Variants in EBF2 observed in about 807,000 individuals in gnomAD.
EBF2 encodes EBF transcription factor 2.
Under a neutral mutation model 72.8 loss-of-function variants are expected in EBF2, and 21 were observed. That is an observed-to-expected ratio of 0.29 (90% CI 0.20 to 0.42). The LOEUF is 0.42. Ranked by LOEUF, EBF2 falls within the 10% of genes least tolerant of loss-of-function variation. EBF2 has a pLI of 1.00. For missense variants in EBF2, 637 were observed against 731.2 expected, an observed-to-expected ratio of 0.87 and a Z score of 1.49; for synonymous variants, 299 against 274.2, an observed-to-expected ratio of 1.09 and a Z score of -0.89.
Position 25,861,153 on chromosome 8 carries a change from G to T in EBF2, c.1238C>A (p.Pro413Gln), listed in dbSNP as rs1307183275. The T allele has an allele frequency of 6.2e-7, 1 of 1,614,048 alleles. No homozygotes were observed. Among genetic ancestry groups the T allele is most frequent in the Non-Finnish European group, 8.5e-7 (1 of 1,180,034 alleles). The stretch of plus-strand genomic sequence containing the variant: ...GTGCGCTGGGGAGCTAGAGAGGGCT[G>T]GAAGCTGGCTGGGATTCCTGGGGAC... ...YSVPRNPSQL[P>Q]ALSSSPAHSG... The change falls in exon 13 of 16, where the codon CCA becomes CAA. Residue 413 changes from proline to glutamine, a missense_variant. Transcript: ENST00000520164.
At chr8:26,000,176 T>C (rs1585221805) in intron 6 of EBF2, among the ~76,000 whole-genome samples, 1 of 152,088 alleles carries the variant, frequency 6.6e-6, no homozygotes, top group South Asian at 2.1e-4. Context: ...ACAGGGGAAT[T>C]GGGAGAGACC....
chr8:25,949,373 T>A (rs551659819), intron 6 of EBF2, among the ~76,000 whole-genome samples: 1 of 152,318 alleles, frequency 6.6e-6, no homozygotes, highest in South Asian at 2.1e-4. Context: ...GATCATTTTT[T>A]AAAAATTTTG....
At chr8:25,878,667 C>T (rs1256335379) in intron 10 of EBF2, among the ~76,000 whole-genome samples, 1 of 152,172 alleles carries the variant, frequency 6.6e-6, no homozygotes, top group African/African-American at 2.4e-5. Context: ...TAGAAAGTGG[C>T]CAGACTCCTG....
intron 10 of EBF2, among the ~76,000 whole-genome samples, chr8:25,865,668 C>A (rs926572747): frequency 6.6e-6 from 1 of 151,704 alleles, no homozygotes; most frequent in Non-Finnish European, 1.5e-5. Flanking sequence ...CTCAAGCAAT[C>A]GTCCGCCTTG....
intron 6 of EBF2, among the ~76,000 whole-genome samples, chr8:25,929,144 T>C (rs1803438729): frequency 6.6e-6 from 1 of 152,218 alleles, no homozygotes; most frequent in African/African-American, 2.4e-5. Flanking sequence ...AGTGATCTGC[T>C]CATGTTGATT....
intron 15 of EBF2, among the ~76,000 whole-genome samples, chr8:25,848,063 A>T (rs1801874927): frequency 6.6e-6 from 1 of 152,120 alleles, no homozygotes; most frequent in Admixed American, 6.6e-5. Flanking sequence ...TATCTTTTAG[A>T]GATGAGGTCT....
intron 10 of EBF2, 49 bp downstream of exon 10, chr8:25,886,706 C>T (rs1021327200): frequency 6.4e-7 from 1 of 1,566,652 alleles, no homozygotes; most frequent in East Asian, 2.3e-5. Flanking sequence ...GGAACTAGCG[C>T]AAAGGCAAAC....
At chr8:26,035,204 A>G (rs1393869626) in intron 5 of EBF2, among the ~76,000 whole-genome samples, 1 of 151,076 alleles carries the variant, frequency 6.6e-6, no homozygotes, top group African/African-American at 2.4e-5. Flanking sequence ...ATGCAGTGAC[A>G]TGATCATGAC....
intron 6 of EBF2, among the ~76,000 whole-genome samples, chr8:25,980,305 A>G (rs1208600086): frequency 1.3e-5 from 2 of 152,192 alleles, no homozygotes; most frequent in Non-Finnish European, 2.9e-5. Context: ...AACACAGTTA[A>G]ACGTGTAAGG....
intron 6 of EBF2, among the ~76,000 whole-genome samples, chr8:25,929,797 G>A (rs571844867): frequency 3.2e-4 from 49 of 152,112 alleles, no homozygotes; most frequent in African/African-American, 9.9e-4. Context: ...TGAGCTCGCC[G>A]GCCTGGCACA....
chr8:26,014,579 G>C (rs1257699766), intron 6 of EBF2, among the ~76,000 whole-genome samples: 1 of 152,156 alleles, frequency 6.6e-6, no homozygotes, highest in South Asian at 2.1e-4. Flanking sequence ...TTGACTTTGA[G>C]GGTTTCGATT....
At chr8:25,875,339 C>A (rs1240733607) in intron 10 of EBF2, among the ~76,000 whole-genome samples, 1 of 152,138 alleles carries the variant, frequency 6.6e-6, no homozygotes, top group African/African-American at 2.4e-5. Context: ...TAAGTATATC[C>A]TCATTTTTAG....
chr8:25,873,905 C>T (rs1262619079), intron 10 of EBF2, among the ~76,000 whole-genome samples: 2 of 152,144 alleles, frequency 1.3e-5, no homozygotes, highest in Non-Finnish European at 2.9e-5. Flanking sequence ...TCTAGTGAAA[C>T]AGCAGCCCCC....
chr8:25,882,135 G>C (rs1033664296), intron 10 of EBF2, among the ~76,000 whole-genome samples: 2 of 152,064 alleles, frequency 1.3e-5, no homozygotes, highest in African/African-American at 2.4e-5. Flanking sequence ...AACTAAAAGA[G>C]CACCTGTAAC....
intron 6 of EBF2, among the ~76,000 whole-genome samples, chr8:25,979,106 T>A (rs1278373996): frequency 6.6e-6 from 1 of 152,156 alleles, no homozygotes; most frequent in Non-Finnish European, 1.5e-5. Context: ...GCTGCACGAA[T>A]CTCTCTGCTG....
chr8:25,853,988 G>C (rs1427743121), intron 14 of EBF2, among the ~76,000 whole-genome samples: 1 of 152,004 alleles, frequency 6.6e-6, no homozygotes, highest in African/African-American at 2.4e-5. Flanking sequence ...TAAATGTATT[G>C]CTTTCACTTG....
chr8:26,012,324 A>T (rs760372235), intron 6 of EBF2, among the ~76,000 whole-genome samples: 16 of 152,346 alleles, frequency 1.1e-4, no homozygotes, highest in East Asian at 3.9e-4. Flanking sequence ...ACATCGAAAT[A>T]AATGTCCTTT....
chr8:26,014,155 C>T (rs1371925599), intron 6 of EBF2, among the ~76,000 whole-genome samples: 1 of 152,050 alleles, frequency 6.6e-6, no homozygotes, highest in African/African-American at 2.4e-5. Context: ...ATAATATATA[C>T]ACATTATAAT....
chr8:25,877,303 G>A (rs1404803180), intron 10 of EBF2, among the ~76,000 whole-genome samples: 1 of 152,136 alleles, frequency 6.6e-6, no homozygotes, highest in South Asian at 2.1e-4. Flanking sequence ...GGAAGTCTGC[G>A]CGGAAGACAG....
Sources: allele counts gnomAD v4.1 joint callset (sites outside exome capture counted in the v4.1 genomes callset), GRCh38; gene constraint gnomAD v4.1.1; transcripts MANE v1.5; gene names NCBI Gene and HGNC (gene_info 2026-07-23, HGNC 2026-07-21).